RAB3GAP2: variants seen among roughly 807,000 people sequenced by gnomAD.
RAB3GAP2 encodes the protein RAB3 GTPase activating non-catalytic protein subunit 2, also known as rab3 GTPase-activating protein non-catalytic subunit.
In RAB3GAP2, 87 loss-of-function variants were observed where a neutral mutation model predicts 185.3. The ratio of observed to expected loss-of-function variants is 0.47; its 90% CI spans 0.39 to 0.56. RAB3GAP2 has a LOEUF of 0.56. Among genes scored for constraint, RAB3GAP2 ranks in the 20% least tolerant of loss-of-function variants. The probability of loss-of-function intolerance (pLI) is 0.00; values close to 1 mark genes in which losing one functional copy is unlikely to be tolerated. For missense variants in RAB3GAP2, 1,492 were observed against 1,638.2 expected (o/e 0.91, Z 1.54); for synonymous variants, 554 against 576.1 (o/e 0.96, Z 0.55).
intron 2 of RAB3GAP2, among the ~76,000 whole-genome samples, chr1:220,231,443 TC>T (rs1659498747): frequency 6.6e-6 from 1 of 152,198 alleles, no homozygotes; most frequent in African/African-American, 2.4e-5. Flanking sequence ...CATCCATCTT[TC>T]TTTTTTATGT....
At position 220,167,371 on chromosome 1, in the gene RAB3GAP2, A is replaced by G. The variant is rs751746527; in HGVS notation, c.3009T>C (p.Phe1003=). 1 of 1,614,214 alleles carries G rather than the reference A, an allele frequency of 6.2e-7. No individual in the cohort carries two copies. Among genetic ancestry groups the G allele is most frequent in the Non-Finnish European group, 8.5e-7 (1 of 1,180,018 alleles). ...AGACATCGAGCTCAAGGCTACAAGGAAACTGCTCATAGGCTAAATGCAGTA... is the reference window on the plus strand; with the variant it reads ...AGACATCGAGCTCAAGGCTACAAGGGAACTGCTCATAGGCTAAATGCAGTA... The part of the protein sequence containing the change: ...PDLLHLAYEQ[F]PCSLELDVLH... Residue 1003 remains phenylalanine (F), a synonymous_variant, in exon 26 of 35, where the codon TTT becomes TTC. Transcript: ENST00000358951.
intron 26 of RAB3GAP2, among the ~76,000 whole-genome samples, chr1:220,165,789 C>A (rs1390005535): frequency 6.6e-6 from 1 of 152,112 alleles, no homozygotes. Flanking sequence ...CTATTACAGC[C>A]CTCATTTTAG....
intron 32 of RAB3GAP2, 131 bp from the exon 33 acceptor site, chr1:220,153,537 G>A (rs1558137384): frequency 2.5e-6 from 2 of 793,260 alleles, no homozygotes; most frequent in East Asian, 5.2e-5. Context: ...ATCAAAAAAG[G>A]AACACATCAT....
chr1:220,206,082 C>T (rs150292181), intron 7 of RAB3GAP2, 76 bp from the exon 8 acceptor site: 79 of 944,824 alleles, frequency 8.4e-5, no homozygotes, highest in East Asian at 3.5e-4. Flanking sequence ...CTGAATTTCA[C>T]GAATAATGTA....
intron 2 of RAB3GAP2, among the ~76,000 whole-genome samples, chr1:220,230,168 C>T (rs1281368560): frequency 1.3e-5 from 2 of 152,106 alleles, no homozygotes; most frequent in Non-Finnish European, 2.9e-5. Context: ...TGCTGATGTC[C>T]CATGAAGTGG....
intron 10 of RAB3GAP2, among the ~76,000 whole-genome samples, chr1:220,195,677 T>C (rs1306808955): frequency 6.6e-6 from 1 of 152,228 alleles, no homozygotes; most frequent in African/African-American, 2.4e-5. Context: ...TTATTCTAGC[T>C]GGACTATGGA....
At chr1:220,263,918 C>G (rs1362741983) in intron 1 of RAB3GAP2, among the ~76,000 whole-genome samples, 1 of 151,772 alleles carries the variant, frequency 6.6e-6, no homozygotes, top group Non-Finnish European at 1.5e-5. Context: ...GTATCTCTTG[C>G]AAAAAATATG....
intron 21 of RAB3GAP2, among the ~76,000 whole-genome samples, chr1:220,176,819 A>G (rs2102862145): frequency 6.6e-6 from 1 of 152,304 alleles, no homozygotes; most frequent in East Asian, 1.9e-4. Flanking sequence ...TGCTGAAGAC[A>G]CATGCCTCTC....
intron 12 of RAB3GAP2, 54 bp downstream of exon 12, chr1:220,195,024 A>C: frequency 1.3e-6 from 2 of 1,519,684 alleles, no homozygotes; most frequent in Non-Finnish European, 1.8e-6. Context: ...AAGACCATAC[A>C]TTTAACAGTA....
chr1:220,202,140 G>T, intron 9 of RAB3GAP2, 136 bp downstream of exon 9: 1 of 950,262 alleles, frequency 1.1e-6, no homozygotes, highest in Non-Finnish European at 1.4e-6. Context: ...ACTCCTGCCT[G>T]GGTGACAGAG....
In RAB3GAP2 at chr1:220,253,431, T is replaced by C. The variant is rs1416973368; in HGVS notation, c.115+18792A>G. 6 of 1,370,646 alleles carry C rather than the reference T, an allele frequency of 4.4e-6. No individual in the cohort carries two copies. In the South Asian group the frequency reaches 8.8e-5, roughly 20 times the overall value. 84.9% of individuals were successfully genotyped at this position (1,370,646 alleles called of 1,614,324 possible). A position where few individuals can be genotyped will look rare whatever the true frequency, so the allele number is the denominator to read the frequency against. On this transcript the variant is annotated intron_variant, in intron 1 of 34. Coordinates refer to ENST00000358951, the MANE Select transcript of RAB3GAP2 (RefSeq NM_012414.4). ...CAACCCTATGGTAGAGTGGCCAGAC[T>C]GTTAAAAGAAAACCAGAACCCAGGA...
chr1:220,171,798 CAA>C, intron 23 of RAB3GAP2, 89 bp downstream of exon 23: 1 of 1,519,706 alleles, frequency 6.6e-7, no homozygotes, highest in South Asian at 1.1e-5. Flanking sequence ...CTCCCCGCTC[CAA>C]AAAACCCCCC....
intron 1 of RAB3GAP2, among the ~76,000 whole-genome samples, chr1:220,243,574 A>G (rs557055259): frequency 2.8e-4 from 43 of 152,262 alleles, no homozygotes; most frequent in African/African-American, 1.0e-3. Flanking sequence ...CTCAGATGCC[A>G]TCTTCCATCT....
intron 1 of RAB3GAP2, among the ~76,000 whole-genome samples, chr1:220,253,291 A>G (rs548499108): frequency 6.6e-6 from 1 of 152,338 alleles, no homozygotes; most frequent in African/African-American, 2.4e-5. Flanking sequence ...TGCAGCTTCC[A>G]GAGGAAGGGG....
At chr1:220,162,631 T>C (rs1320696796) in intron 27 of RAB3GAP2, among the ~76,000 whole-genome samples, 1 of 152,128 alleles carries the variant, frequency 6.6e-6, no homozygotes, top group Non-Finnish European at 1.5e-5. Flanking sequence ...ATGGAACAAA[T>C]GGAACACTCA....
chr1:220,157,221 G>T, intron 31 of RAB3GAP2, 49 bp downstream of exon 31: 1 of 1,482,232 alleles, frequency 6.7e-7, no homozygotes, highest in Non-Finnish European at 9.4e-7. Flanking sequence ...CCATGTGTCT[G>T]CTAAGCCTGC....
chr1:220,224,489 T>TATATGGAAAATTTACA (rs1659368086), intron 2 of RAB3GAP2, among the ~76,000 whole-genome samples: 1 of 152,126 alleles, frequency 6.6e-6, no homozygotes. Flanking sequence ...ATAATTTACA[T>TATATGGAAAATTTACA]ATATGGAAAA....
Position 220,151,740 on chromosome 1 carries a change from C to G in RAB3GAP2, c.3892G>C (p.Glu1298Gln). 6.2e-7 allele frequency: 1 copy of G among 1,611,664 alleles called. No individual in the cohort carries two copies. Among genetic ancestry groups the G allele is most frequent in the Non-Finnish European group, 8.5e-7 (1 of 1,177,774 alleles). ...ACCAGCAGCTGAGAGGCAAGGACCT[C>G]TTTGTCATGAACCTGTAGAATGGCC... Reference protein sequence around the residue: ...EEAILQVHDKEVLASQLLVLT... With the variant: ...EEAILQVHDKQVLASQLLVLT... Residue 1298 changes from glutamate (E) to glutamine (Q), a missense_variant, in exon 34 of 35, where the codon GAG becomes CAG. Physicochemically the swap from Glu to Gln is conservative, Grantham distance 29. Around this residue, in one of 5 missense-constraint regions of RAB3GAP2, gnomAD observed 387 missense variants for 455.3 expected, o/e 0.85. Coordinates refer to ENST00000358951, the MANE Select transcript of RAB3GAP2 (RefSeq NM_012414.4).
chr1:220,190,794 AC>A (rs2102869520), intron 14 of RAB3GAP2, among the ~76,000 whole-genome samples: 1 of 152,264 alleles, frequency 6.6e-6, no homozygotes, highest in East Asian at 1.9e-4. Flanking sequence ...GGCAAAAGGA[AC>A]CTTTCCTTTT....
Sources: gnomAD v4.1 joint callset for allele counts (sites outside exome capture counted in the v4.1 genomes callset) on GRCh38, gnomAD v4.1.1 for gene constraint, gnomAD v4.1.1 regional missense constraint, MANE v1.5 for transcripts, NCBI Gene and HGNC (gene_info 2026-07-23, HGNC 2026-07-21) for gene names.